The following PMPCA variants were observed in gnomAD, a reference collection of about 807,000 sequenced individuals.
PMPCA encodes the protein mitochondrial-processing peptidase subunit alpha.
PMPCA carries 47 observed loss-of-function variants against 59.3 expected under a neutral mutation model. The ratio of observed to expected loss-of-function variants is 0.79; its 90% CI spans 0.63 to 1.01. The LOEUF (loss-of-function observed/expected upper bound fraction) is 1.01, where lower values mean the gene tolerates loss of function less well. Among genes scored for constraint, PMPCA ranks in the 50% least tolerant of loss-of-function variants. The pLI, the probability that PMPCA is intolerant of heterozygous loss-of-function variation, is 0.00. For synonymous variants in PMPCA, 338 were observed against 290.3 expected (o/e 1.16, Z -1.67); for missense variants, 726 against 704.5 (o/e 1.03, Z -0.34).
chr9:136,417,051 A>G lies in PMPCA; in HGVS notation c.734A>G (p.Tyr245Cys), dbSNP rs763276194. 12 of 1,613,850 alleles carry G rather than the reference A, an allele frequency of 7.4e-6. No individual in the cohort carries two copies. In the South Asian group the frequency reaches 1.1e-4, roughly 15 times the overall value. ...GTGCTGCATTCCTACCTGAGGAACT[A>G]CTACACTCCCGACCGCATGGTGCTG... ...REVLHSYLRN[Y>C]YTPDRMVLAG... Residue 245 changes from tyrosine (Y) to cysteine (C), a missense_variant, in exon 7 of 13, where the codon TAC becomes TGC. Physicochemically the swap from Tyr to Cys is radical, Grantham distance 194. Transcript: ENST00000371717.
intron 1 of PMPCA, chr9:136,411,516 T>G: frequency 5.7e-6 from 1 of 175,350 alleles, no homozygotes; most frequent in Admixed American, 5.5e-5. Flanking sequence ...AGCTTTGGGG[T>G]TGATGAGTCA....
intron 11 of PMPCA, among the ~76,000 whole-genome samples, chr9:136,421,488 C>G (rs368095478): frequency 6.0e-5 from 9 of 149,454 alleles, no homozygotes; most frequent in African/African-American, 2.2e-4. Flanking sequence ...GGGCTCACTG[C>G]AAGCTCCGCC....
At chr9:136,419,006 C>A (rs371803724) in intron 10 of PMPCA, 38 bp from the exon 11 acceptor site, 8 of 1,599,046 alleles carry the variant, frequency 5.0e-6, no homozygotes, top group Non-Finnish European at 4.3e-6. Context: ...GGCCGGCAGG[C>A]GCAGGCCACA....
At chr9:136,416,127 CCTCA>C (rs1389530417) in intron 5 of PMPCA, 160 bp from the exon 6 acceptor site, 19 of 617,112 alleles carry the variant, frequency 3.1e-5, no homozygotes, top group Non-Finnish European at 4.6e-5. Flanking sequence ...TAGCAGTCCC[CCTCA>C]CTCACACAAG....
At chr9:136,418,521 G>A (rs149669468) in intron 8 of PMPCA, 34 bp from the exon 9 acceptor site, 29 of 1,347,344 alleles carry the variant, frequency 2.2e-5, no homozygotes, top group Middle Eastern at 1.8e-4. Context: ...CGTGGCGTGG[G>A]TGGTTCAGCC....
At chr9:136,418,424 T>C in intron 8 of PMPCA, 131 bp from the exon 9 acceptor site, 2 of 708,564 alleles carry the variant, frequency 2.8e-6, no homozygotes, top group Non-Finnish European at 5.0e-6. Context: ...CTGCCCTCCG[T>C]CCCTGGCGTC....
chr9:136,410,689 G>T lies in PMPCA; in HGVS notation c.21G>T (p.Ala7=), dbSNP rs755775376. ...GCAAGATGGCGGCTGTGGTGCTGGC[G>T]GCGACGCGGTTGCTGCGGGGCTCGG... is the stretch of plus-strand genomic sequence containing the variant. MAAVVL[A]ATRLLRGSGS... Residue 7 remains alanine, a synonymous_variant, in exon 1 of 13, where the codon GCG becomes GCT. Coordinates refer to ENST00000371717, the MANE Select transcript of PMPCA (RefSeq NM_015160.3). 3.0e-5 allele frequency: 43 copies of T among 1,416,430 alleles called. No individual in the cohort carries two copies. Among genetic ancestry groups the T allele is most frequent in the Non-Finnish European group, 3.8e-5 (41 of 1,086,762 alleles). The allele number at this position is 1,416,430 out of a possible 1,614,324, so 87.7% of individuals were successfully genotyped here.
At chr9:136,415,795 G>A (rs772055025) in intron 5 of PMPCA, among the ~76,000 whole-genome samples, 1 of 152,206 alleles carries the variant, frequency 6.6e-6, no homozygotes, top group Non-Finnish European at 1.5e-5. Flanking sequence ...ACCGCGCCCA[G>A]TTAATTTTTG....
At position 136,416,960 on chromosome 9, in the gene PMPCA, A is replaced by G. The variant is rs1233751945; in HGVS notation, c.643A>G (p.Arg215Gly). Reference sequence around the variant, plus strand: ...GGCTCTTCCCCATTAGGCGGCTTACAGGGAGAACACAGTTGGCCTCCACCG... The same window carrying G: ...GGCTCTTCCCCATTAGGCGGCTTACGGGGAGAACACAGTTGGCCTCCACCG... ...LTEMIHEAAY[R>G]ENTVGLHRFC... is the part of the protein sequence containing the mutation. The change falls in exon 7 of 13, where the codon AGG becomes GGG. Residue 215 changes from arginine (R) to glycine (G), a missense_variant. Coordinates refer to ENST00000371717, the MANE Select transcript of PMPCA (RefSeq NM_015160.3). The G allele has an allele frequency of 1.3e-5, 21 of 1,610,000 alleles. No homozygotes were observed. The highest frequency in any genetic ancestry group is 8.3e-5 in the Admixed American group (5 of 59,900).
In PMPCA at chr9:136,411,943, T is replaced by C. The variant is rs1327336705; in HGVS notation, c.72-54T>C. 4.8e-6 allele frequency: 5 copies of C among 1,034,608 alleles called. No individual in the cohort carries two copies. In the Admixed American group the frequency reaches 7.6e-5, roughly 16 times the overall value. The allele number at this position is 1,034,608 out of a possible 1,614,324, so 64.1% of individuals were successfully genotyped here. A position where few individuals can be genotyped will look rare whatever the true frequency, so the allele number is the denominator to read the frequency against. ...ATAACTAACCGCACCTAACAGGTCA[T>C]CACAGGTTTGTTGTCTCAAGCCTGT... On this transcript the variant is annotated intron_variant, in intron 1 of 12. Coordinates refer to ENST00000371717, the MANE Select transcript of PMPCA (RefSeq NM_015160.3).
intron 5 of PMPCA, among the ~76,000 whole-genome samples, 165 bp downstream of exon 5, chr9:136,414,812 A>G (rs1026534128): frequency 6.6e-6 from 1 of 152,228 alleles, no homozygotes; most frequent in Non-Finnish European, 1.5e-5. Flanking sequence ...GGGGCTGGGC[A>G]TGGTGGCTCA....
intron 12 of PMPCA, chr9:136,422,494 C>T (rs1835485896): frequency 3.9e-6 from 4 of 1,030,950 alleles, no homozygotes; most frequent in Non-Finnish European, 4.7e-6. Flanking sequence ...GGCAAGGCTG[C>T]CTATTACGTT....
At chr9:136,419,824 C>T (rs1835397710) in intron 11 of PMPCA, 3 of 152,498 alleles carry the variant, frequency 2.0e-5, no homozygotes, top group African/African-American at 7.2e-5. Flanking sequence ...CTCAAGTGAT[C>T]CGTTGCCTTG....
At chr9:136,411,531 T>C (rs969438350) in intron 1 of PMPCA, 1 of 184,018 alleles carries the variant, frequency 5.4e-6, no homozygotes, top group Non-Finnish European at 1.2e-5. Flanking sequence ...GAGTCAAATG[T>C]GTTCCAGGAA....
intron 5 of PMPCA, chr9:136,416,024 A>G: frequency 1.8e-6 from 1 of 556,958 alleles, no homozygotes. Context: ...GGTGCCTTTC[A>G]CCAGCAAGGA....
chr9:136,416,917 T>G (rs1415529318), intron 6 of PMPCA, 34 bp from the exon 7 acceptor site: 1 of 1,578,308 alleles, frequency 6.3e-7, no homozygotes, highest in East Asian at 2.3e-5. Flanking sequence ...CATGCTGTCT[T>G]CAGTCACCTG....
chr9:136,417,348 T>C, intron 7 of PMPCA, 134 bp downstream of exon 7: 1 of 661,188 alleles, frequency 1.5e-6, no homozygotes, highest in Non-Finnish European at 2.5e-6. Context: ...ACACATGCTG[T>C]AGTCCCACAG....
rs762679492 is a variant in PMPCA at position 136,423,218 on chromosome 9, C to T, written c.1532C>T (p.Ser511Leu). ...PTYEHIQTAL[S>L]SKDGRLPRTY... is the part of the protein sequence containing the mutation. Reference sequence around the variant, plus strand: ...TATGAGCACATCCAGACCGCCCTGTCGAGTAAGGACGGGCGCCTGCCCAGG... The same window carrying T: ...TATGAGCACATCCAGACCGCCCTGTTGAGTAAGGACGGGCGCCTGCCCAGG... Residue 511 changes from serine to leucine, a missense_variant, in exon 13 of 13, where the codon TCG becomes TTG. By Grantham distance (145) the Ser-to-Leu change is moderately radical. Transcript: ENST00000371717. The T allele has an allele frequency of 1.8e-5, 29 of 1,613,544 alleles. No individual in the cohort carries two copies. The highest frequency in any genetic ancestry group is 5.0e-5 in the Admixed American group (3 of 60,030).
At chr9:136,422,124 G>A (rs1216621905) in intron 12 of PMPCA, 148 bp downstream of exon 12, 3 of 1,544,572 alleles carry the variant, frequency 1.9e-6, no homozygotes, top group Admixed American at 2.0e-5. Flanking sequence ...CTCAGCAGGG[G>A]CGGCCAAGGG....
Sources: gnomAD v4.1 joint callset for allele counts (sites outside exome capture counted in the v4.1 genomes callset) on GRCh38, gnomAD v4.1.1 for gene constraint, MANE v1.5 for transcripts, NCBI Gene and HGNC (gene_info 2026-07-23, HGNC 2026-07-21) for gene names.